Variants in PIK3C3 observed in about 807,000 individuals in gnomAD.
The protein encoded by PIK3C3 is phosphatidylinositol 3-kinase catalytic subunit type 3.
PIK3C3 carries 95 observed loss-of-function variants against 126.1 expected under a neutral mutation model. The ratio of observed to expected loss-of-function variants is 0.75; its 90% CI spans 0.64 to 0.89. The LOEUF (loss-of-function observed/expected upper bound fraction) is 0.89. Among genes scored for constraint, PIK3C3 ranks in the 40% least tolerant of loss-of-function variants. The probability of loss-of-function intolerance (pLI) is 0.00; values close to 1 mark genes in which losing one functional copy is unlikely to be tolerated. For synonymous variants in PIK3C3, 374 were observed against 360.0 expected (o/e 1.04, Z -0.44); for missense variants, 829 against 1,063.2 (o/e 0.78, Z 3.06).
intron 4 of PIK3C3, among the ~76,000 whole-genome samples, chr18:41,986,078 A>G (rs1981460425): frequency 6.6e-6 from 1 of 152,152 alleles, no homozygotes; most frequent in African/African-American, 2.4e-5. Context: ...GTACATCAGT[A>G]GAGAGGATAG....
intron 22 of PIK3C3, among the ~76,000 whole-genome samples, chr18:42,062,800 G>T (rs761004233): frequency 2.0e-5 from 3 of 151,934 alleles, no homozygotes; most frequent in Non-Finnish European, 4.4e-5. Flanking sequence ...TTGAATCCCT[G>T]CCTAAAATCC....
intron 24 of PIK3C3, among the ~76,000 whole-genome samples, chr18:42,068,499 C>T (rs1182081920): frequency 6.6e-6 from 1 of 152,188 alleles, no homozygotes; most frequent in African/African-American, 2.4e-5. Flanking sequence ...ACCTGTCCTC[C>T]AAGAGCTCTT....
chr18:42,053,737 T>C (rs891260067), intron 21 of PIK3C3, among the ~76,000 whole-genome samples: 6 of 152,114 alleles, frequency 3.9e-5, no homozygotes, highest in South Asian at 2.1e-4. Context: ...TTTGTTTTTA[T>C]TTTTGGGAGT....
chr18:42,062,435 G>T (rs1266002474), intron 22 of PIK3C3, among the ~76,000 whole-genome samples: 1 of 150,786 alleles, frequency 6.6e-6, no homozygotes, highest in Non-Finnish European at 1.5e-5. Context: ...AAAACATTAT[G>T]AGATTTTTTT....
intron 4 of PIK3C3, among the ~76,000 whole-genome samples, chr18:41,976,221 T>A (rs1980913929): frequency 6.6e-6 from 1 of 152,118 alleles, no homozygotes; most frequent in South Asian, 2.1e-4. Context: ...AAGAAAGTAT[T>A]TTGCATTAAT....
At chr18:42,003,167 T>C (rs1374812520) in intron 9 of PIK3C3, among the ~76,000 whole-genome samples, 2 of 152,176 alleles carry the variant, frequency 1.3e-5, no homozygotes, top group African/African-American at 4.8e-5. Context: ...AGTTAGGGGA[T>C]GGGTTTGAAG....
intron 24 of PIK3C3, among the ~76,000 whole-genome samples, chr18:42,076,008 A>G (rs1432760088): frequency 6.8e-6 from 1 of 147,818 alleles, no homozygotes; most frequent in Non-Finnish European, 1.5e-5. Context: ...TCTCTAGTGT[A>G]GTCACCTTCA....
intron 24 of PIK3C3, among the ~76,000 whole-genome samples, chr18:42,078,409 A>G (rs1013390101): frequency 1.4e-5 from 2 of 138,860 alleles, no homozygotes; most frequent in Admixed American, 1.5e-4. Flanking sequence ...AAAAAAAAAA[A>G]TTTTCAGTAA....
intron 19 of PIK3C3, among the ~76,000 whole-genome samples, chr18:42,041,190 A>C (rs942741721): frequency 3.4e-4 from 51 of 152,238 alleles, no homozygotes; most frequent in African/African-American, 1.1e-3. Context: ...TCAAAAAAAA[A>C]CAAAAAAAAC....
rs1411969236 is a variant in PIK3C3, at chr18:42,049,523, T to TA, written c.2189-7dup. On this transcript the variant is annotated splice_polypyrimidine_tract_variant and splice_region_variant and intron_variant, in intron 20 of 24. Transcript: ENST00000262039. ...GTTTTCACATATTTTTTTTAACTGTTACTGCAGCTGGATATTGCGTGATCA... is the reference window on the plus strand; with the variant it reads ...GTTTTCACATATTTTTTTTAACTGTTAACTGCAGCTGGATATTGCGTGATCA... 3.1e-6 allele frequency: 5 copies of TA among 1,609,360 alleles called. No homozygotes were observed. The highest frequency in any genetic ancestry group is 4.3e-6 in the Non-Finnish European group (5 of 1,176,208).
Position 42,064,770 on chromosome 18 carries a change from C to T in PIK3C3, c.2463C>T (p.Ser821=). The T allele has an allele frequency of 6.2e-7, 1 of 1,603,900 alleles. No homozygotes were observed. Among genetic ancestry groups the T allele is most frequent in the Non-Finnish European group, 8.5e-7 (1 of 1,171,262 alleles). Residue 821 remains serine, a synonymous_variant, in exon 23 of 25, where the codon TCC becomes TCT. Coordinates refer to ENST00000262039, the MANE Select transcript of PIK3C3 (RefSeq NM_002647.4). ...CTAATCTGATTTTGAACTTGTTTTC[C>T]TTGATGGTTGATGCAAACATTCCAG... is the stretch of plus-strand genomic sequence containing the variant. The part of the protein sequence containing the change: ...RYSNLILNLF[S]LMVDANIPDI...
chr18:42,003,980 T>C (rs1352314932), intron 9 of PIK3C3, among the ~76,000 whole-genome samples: 1 of 152,186 alleles, frequency 6.6e-6, no homozygotes, highest in African/African-American at 2.4e-5. Flanking sequence ...GTTGCAGTAT[T>C]TTCTGTTGTA....
intron 2 of PIK3C3, among the ~76,000 whole-genome samples, chr18:41,958,754 C>T (rs983807951): frequency 2.6e-5 from 4 of 151,638 alleles, no homozygotes; most frequent in African/African-American, 9.7e-5. Context: ...TGTAGATATA[C>T]ACACACACAT....
intron 21 of PIK3C3, 132 bp from the exon 22 acceptor site, chr18:42,057,751 G>T (rs990664367): frequency 7.8e-6 from 6 of 772,252 alleles, no homozygotes; most frequent in Non-Finnish European, 1.2e-5. Context: ...AAATATCGAA[G>T]AATTTAATAG....
intron 13 of PIK3C3, among the ~76,000 whole-genome samples, chr18:42,022,340 G>A (rs1983365562): frequency 6.6e-6 from 1 of 152,194 alleles, no homozygotes; most frequent in East Asian, 1.9e-4. Flanking sequence ...CTGTGTCCAA[G>A]TGTTCTCATT....
intron 9 of PIK3C3, among the ~76,000 whole-genome samples, chr18:41,997,213 G>C (rs1982070287): frequency 6.6e-6 from 1 of 152,080 alleles, no homozygotes. Context: ...CGAAACTACA[G>C]AATTCTAGAC....
At chr18:41,976,493 T>C (rs1980931631) in intron 4 of PIK3C3, among the ~76,000 whole-genome samples, 1 of 152,206 alleles carries the variant, frequency 6.6e-6, no homozygotes, top group Non-Finnish European at 1.5e-5. Flanking sequence ...CAAAACCTCT[T>C]AGCATAGATT....
intron 24 of PIK3C3, chr18:42,070,607 T>C (rs1985733719): frequency 1.3e-5 from 2 of 152,158 alleles, no homozygotes; most frequent in Non-Finnish European, 2.9e-5. Flanking sequence ...TTTACCAAAG[T>C]CTCTGGGCCT....
intron 9 of PIK3C3, among the ~76,000 whole-genome samples, chr18:42,003,925 T>C (rs1982414009): frequency 6.6e-6 from 1 of 152,204 alleles, no homozygotes; most frequent in African/African-American, 2.4e-5. Flanking sequence ...AGTGAGGCTA[T>C]TGGGAATTTC....
Sources: gnomAD v4.1 joint callset for allele counts (sites outside exome capture counted in the v4.1 genomes callset) on GRCh38, gnomAD v4.1.1 for gene constraint, MANE v1.5 for transcripts, NCBI Gene and HGNC (gene_info 2026-07-23, HGNC 2026-07-21) for gene names.